SORBS2: variants seen among roughly 807,000 people sequenced by gnomAD.
The protein encoded by SORBS2 is sorbin and SH3 domain-containing protein 2.
Under a neutral mutation model 97.7 loss-of-function variants are expected in SORBS2, and 46 were observed. The observed-to-expected ratio is 0.47, with a 90% CI of 0.37 to 0.60. The LOEUF (loss-of-function observed/expected upper bound fraction) is 0.60. SORBS2 is among the 20% of genes least tolerant of loss of function. SORBS2 has a pLI of 0.00. For missense variants in SORBS2, 1,316 were observed against 1,282.3 expected (o/e 1.03, Z -0.40); for synonymous variants, 476 against 473.4 (o/e 1.01, Z -0.07).
At chr4:185,630,429 G>A in intron 5 of SORBS2, 120 bp downstream of exon 17, 1 of 513,446 alleles carries the variant, frequency 1.9e-6, no homozygotes, top group East Asian at 3.4e-5. Context: ...CATGAGGCAT[G>A]GTACTTCAAA....
At chr4:185,628,601 A>C (rs897519932) in intron 5 of SORBS2, among the ~76,000 whole-genome samples, 1 of 152,194 alleles carries the variant, frequency 6.6e-6, no homozygotes, top group Non-Finnish European at 1.5e-5. Flanking sequence ...AAAATAAAAA[A>C]GTTAGCCAGT....
At chr4:185,724,347 C>T (rs935316922) in intron 2 of SORBS2, among the ~76,000 whole-genome samples, 1 of 148,620 alleles carries the variant, frequency 6.7e-6, no homozygotes, top group Non-Finnish European at 1.5e-5. Context: ...AAAAAAAAGA[C>T]AAAAGGATGA....
At chr4:185,818,007 A>C (rs1019465483) in intron 1 of SORBS2, among the ~76,000 whole-genome samples, 26 of 152,214 alleles carry the variant, frequency 1.7e-4, no homozygotes, top group African/African-American at 6.3e-4. Context: ...ACTGTTGAAA[A>C]ATAAAAATCC....
chr4:185,925,309 G>A (rs34696831), intron 1 of SORBS2, among the ~76,000 whole-genome samples: 56,181 of 151,950 alleles, frequency 0.37, 10,555 homozygotes, highest in East Asian at 0.51. Flanking sequence ...ATTGATAAAC[G>A]CATTGTCTTA....
intron 1 of SORBS2, among the ~76,000 whole-genome samples, chr4:185,941,018 A>T (rs2099271723): frequency 6.6e-6 from 1 of 152,174 alleles, no homozygotes; most frequent in South Asian, 2.1e-4. Flanking sequence ...AGCTGCCCAC[A>T]TAAAAGAATT....
intron 1 of SORBS2, among the ~76,000 whole-genome samples, chr4:185,869,147 C>G (rs967589230): frequency 6.6e-6 from 1 of 152,174 alleles, no homozygotes; most frequent in Non-Finnish European, 1.5e-5. Flanking sequence ...CTATTCCAAA[C>G]AGCAAACTCT....
At chr4:185,944,515 G>T (rs1361070378) in intron 1 of SORBS2, among the ~76,000 whole-genome samples, 1 of 152,154 alleles carries the variant, frequency 6.6e-6, no homozygotes. Flanking sequence ...CTAAAATTTG[G>T]ATCTGAAATG....
intron 4 of SORBS2, 136 bp downstream of exon 14, chr4:185,638,741 T>A: frequency 1.3e-6 from 1 of 747,302 alleles, no homozygotes; most frequent in Non-Finnish European, 2.0e-6. Flanking sequence ...CAGGGGCCTG[T>A]GGATGAGAAG....
chr4:185,630,640 G>A, intron 4 of SORBS2, 42 bp from the exon 17 acceptor site: 1 of 1,323,116 alleles, frequency 7.6e-7, no homozygotes, highest in Non-Finnish European at 1.1e-6. Context: ...ATTTTACCGT[G>A]GCAAAATTTT....
At chr4:185,806,436 A>G (rs10016419) in intron 1 of SORBS2, among the ~76,000 whole-genome samples, 20,580 of 22,582 alleles carry the variant, frequency 0.91, 9,823 homozygotes, top group East Asian at 0.99. Context: ...CTAGAATCCT[A>G]TTTTTTTTTT....
At chr4:185,840,984 A>G (rs566171407) in intron 1 of SORBS2, among the ~76,000 whole-genome samples, 2 of 152,272 alleles carry the variant, frequency 1.3e-5, no homozygotes, top group South Asian at 4.1e-4. Context: ...GGCAGGTAGC[A>G]CCTGAGCCAT....
chr4:185,712,578 T>A, intron 2 of SORBS2, among the ~76,000 whole-genome samples: 1 of 152,238 alleles, frequency 6.6e-6, no homozygotes, highest in African/African-American at 2.4e-5. Context: ...ACTAAGCTGT[T>A]AACACTTAAG....
chr4:185,821,882 T>C (rs552943277), intron 1 of SORBS2, among the ~76,000 whole-genome samples: 1 of 152,318 alleles, frequency 6.6e-6, no homozygotes, highest in South Asian at 2.1e-4. Flanking sequence ...ACGAAACATG[T>C]CTCGAACACC....
At position 185,623,773 on chromosome 4, in the gene SORBS2, C is replaced by T. The variant is rs770243697; in HGVS notation, c.1356G>A (p.Arg452=). Reference sequence around the variant, plus strand: ...CCTCCAGCAAATACTCAATGGAAAACCGCCTCTTGGGACATAGGCCATTTT... The same window carrying T: ...CCTCCAGCAAATACTCAATGGAAAATCGCCTCTTGGGACATAGGCCATTTT... The change falls in exon 7 of 15, where the codon CGG becomes CGA. Residue 452 remains arginine (R), a synonymous_variant. Coordinates refer to ENST00000418609, the Ensembl canonical transcript of SORBS2. This position sits in a 1 kb window ranked among gnomAD's most constrained non-coding sequence, Gnocchi z 6.4. The T allele has an allele frequency of 1.9e-5, 31 of 1,613,188 alleles. No individual in the cohort carries two copies. In the South Asian group the frequency reaches 3.4e-4, roughly 18 times the overall value.
intron 4 of SORBS2, among the ~76,000 whole-genome samples, chr4:185,674,600 A>G (rs745356014): frequency 3.9e-5 from 6 of 152,150 alleles, no homozygotes; most frequent in Non-Finnish European, 5.9e-5. Flanking sequence ...TTTTATTGAG[A>G]GTAAATGTCA....
intron 2 of SORBS2, among the ~76,000 whole-genome samples, chr4:185,696,762 C>T (rs1302156394): frequency 1.3e-5 from 2 of 152,112 alleles, no homozygotes; most frequent in Non-Finnish European, 1.5e-5. Flanking sequence ...CATGGAGTTC[C>T]TTAGTTTTAT....
intron 2 of SORBS2, chr4:185,770,975 C>CTTTTTTTTTTTTTTT (rs747070975): frequency 5.5e-5 from 4 of 72,728 alleles, no homozygotes; most frequent in Non-Finnish European, 7.6e-5. Context: ...TCATCGTTTC[C>CTTTTTTTTTTTTTTT]TTTTTTTTTT....
intron 4 of SORBS2, among the ~76,000 whole-genome samples, chr4:185,641,771 A>AAC (rs1554105386): frequency 3.3e-5 from 5 of 151,226 alleles, no homozygotes; most frequent in Non-Finnish European, 7.4e-5. Context: ...AAAAAAAAAA[A>AAC]AAAACCCACC....
At chr4:185,746,798 C>T (rs2098763941) in intron 2 of SORBS2, among the ~76,000 whole-genome samples, 1 of 152,190 alleles carries the variant, frequency 6.6e-6, no homozygotes, top group South Asian at 2.1e-4. Flanking sequence ...ACTTTCTTCT[C>T]CCATCTACCA....
Sources: gnomAD v4.1 joint callset for allele counts (sites outside exome capture counted in the v4.1 genomes callset) on GRCh38, gnomAD v4.1.1 for gene constraint, Gnocchi (gnomAD v3.1) non-coding constraint, MANE v1.5 for transcripts, NCBI Gene and HGNC (gene_info 2026-07-23, HGNC 2026-07-21) for gene names.